The following NELL1 variants were observed in gnomAD, a reference collection of about 807,000 sequenced individuals.
NELL1 encodes the protein neural EGFL like 1.
A neutral mutation model predicts 107.4 loss-of-function variants in NELL1; 76 were observed. The ratio of observed to expected loss-of-function variants is 0.71; its 90% CI spans 0.59 to 0.86. The LOEUF is 0.86. Among genes scored for constraint, NELL1 ranks in the 40% least tolerant of loss-of-function variants. NELL1 has a pLI of 0.00. For synonymous variants in NELL1, 353 were observed against 341.2 expected (o/e 1.03, Z -0.38); for missense variants, 1,024 against 1,005.5 (o/e 1.02, Z -0.25).
intron 15 of NELL1, among the ~76,000 whole-genome samples, chr11:21,407,579 T>C (rs1852265994): frequency 6.6e-6 from 1 of 151,842 alleles, no homozygotes; most frequent in Admixed American, 6.6e-5. Flanking sequence ...AGCCCAACTC[T>C]AGTTACTTAA....
intron 13 of NELL1, among the ~76,000 whole-genome samples, chr11:21,193,979 T>C (rs926668229): frequency 3.9e-5 from 6 of 151,902 alleles, no homozygotes; most frequent in African/African-American, 1.5e-4. Flanking sequence ...ATCATCCTTA[T>C]TCCATCAAAT....
intron 16 of NELL1, among the ~76,000 whole-genome samples, chr11:21,541,984 C>T (rs74777436): frequency 0.013 from 1,913 of 152,150 alleles, 31 homozygotes; most frequent in African/African-American, 0.044. Context: ...CAACCTCATA[C>T]GGGTTGCTGT....
At chr11:20,960,958 A>G (rs1362878517) in intron 12 of NELL1, among the ~76,000 whole-genome samples, 1 of 152,080 alleles carries the variant, frequency 6.6e-6, no homozygotes, top group East Asian at 1.9e-4. Context: ...TTTGACATTA[A>G]CTCATACTAG....
At chr11:21,536,467 A>G (rs1856141256) in intron 16 of NELL1, among the ~76,000 whole-genome samples, 1 of 152,182 alleles carries the variant, frequency 6.6e-6, no homozygotes, top group Non-Finnish European at 1.5e-5. Context: ...CTCACGTTTC[A>G]CCAAGTCCCC....
In NELL1 at chr11:21,399,061, G is replaced by C. The variant is rs1335407153; in HGVS notation, c.1645+28113G>C. ...CTGAAGAAAGAAAAAAAAAATATTA[G>C]ACGAGCTCAGCAGATGTAACCCACT... On this transcript the variant is annotated intron_variant, in intron 15 of 19. Coordinates refer to ENST00000357134, the MANE Select transcript of NELL1 (RefSeq NM_006157.5). Among the ~76,000 whole-genome samples, 3 of 151,410 alleles carry C rather than the reference G, an allele frequency of 2.0e-5. No homozygotes were observed. The East Asian group carries it at 5.9e-4, about 30-fold the overall frequency.
intron 5 of NELL1, among the ~76,000 whole-genome samples, chr11:20,891,345 A>C (rs1482051358): frequency 6.6e-6 from 1 of 152,242 alleles, no homozygotes; most frequent in Non-Finnish European, 1.5e-5. Flanking sequence ...CCTGCCCTGC[A>C]AGAGCTGCTG....
intron 16 of NELL1, among the ~76,000 whole-genome samples, chr11:21,545,095 G>A (rs377576059): frequency 1.3e-3 from 203 of 152,052 alleles, no homozygotes; most frequent in African/African-American, 4.6e-3. Context: ...GGTTTATTGA[G>A]GTATAGCTGG....
At chr11:20,887,541 C>A (rs982829086) in intron 5 of NELL1, among the ~76,000 whole-genome samples, 1 of 152,150 alleles carries the variant, frequency 6.6e-6, no homozygotes, top group South Asian at 2.1e-4. Context: ...AGATCCCATG[C>A]GTGACTGAGT....
chr11:21,208,585 G>A (rs1857437045), intron 13 of NELL1, among the ~76,000 whole-genome samples: 1 of 151,974 alleles, frequency 6.6e-6, no homozygotes, highest in African/African-American at 2.4e-5. Flanking sequence ...TTTCCTCTCT[G>A]CACCTCTATC....
At chr11:20,814,147 C>CT (rs1857568600) in intron 3 of NELL1, among the ~76,000 whole-genome samples, 1 of 150,766 alleles carries the variant, frequency 6.6e-6, no homozygotes, top group Non-Finnish European at 1.5e-5. Flanking sequence ...AGGCGCACAC[C>CT]GCCACGCCCG....
chr11:21,478,181 C>T (rs1488730210), intron 15 of NELL1, among the ~76,000 whole-genome samples: 2 of 152,090 alleles, frequency 1.3e-5, no homozygotes, highest in African/African-American at 2.4e-5. Flanking sequence ...CACTTTTAAA[C>T]CATCAGATCT....
intron 12 of NELL1, among the ~76,000 whole-genome samples, chr11:21,084,439 A>G (rs569526062): frequency 2.6e-5 from 4 of 152,318 alleles, no homozygotes; most frequent in African/African-American, 9.6e-5. Context: ...TTCTAAACAT[A>G]GTATTTTGTC....
intron 13 of NELL1, among the ~76,000 whole-genome samples, chr11:21,173,072 G>T (rs559157310): frequency 1.1e-4 from 16 of 151,842 alleles, no homozygotes; most frequent in African/African-American, 3.6e-4. Flanking sequence ...CTCACTATGG[G>T]ATATCCCTAA....
intron 14 of NELL1, among the ~76,000 whole-genome samples, chr11:21,339,734 G>C (rs951875500): frequency 6.6e-6 from 1 of 152,154 alleles, no homozygotes; most frequent in Non-Finnish European, 1.5e-5. Flanking sequence ...CTACCAATAA[G>C]AATGTACTAA....
chr11:21,519,737 T>C (rs1855670971), intron 15 of NELL1, among the ~76,000 whole-genome samples: 1 of 152,040 alleles, frequency 6.6e-6, no homozygotes, highest in Non-Finnish European at 1.5e-5. Flanking sequence ...TGGCTAAAAT[T>C]GACTGAAACG....
At chr11:20,888,412 T>A (rs1296563744) in intron 5 of NELL1, among the ~76,000 whole-genome samples, 1 of 151,068 alleles carries the variant, frequency 6.6e-6, no homozygotes, top group Non-Finnish European at 1.5e-5. Flanking sequence ...ATAGATAGCT[T>A]CTTAGATATG....
chr11:21,001,843 G>A (rs1852229122), intron 12 of NELL1, among the ~76,000 whole-genome samples: 2 of 151,338 alleles, frequency 1.3e-5, no homozygotes, highest in Admixed American at 1.3e-4. Flanking sequence ...GCTAGGGGAA[G>A]ACTGTTCACT....
At chr11:20,734,253 A>G (rs1177027656) in intron 2 of NELL1, among the ~76,000 whole-genome samples, 1 of 152,164 alleles carries the variant, frequency 6.6e-6, no homozygotes, top group Admixed American at 6.5e-5. Context: ...GACAGATCAT[A>G]TTGGGCCTTA....
rs544309043 is a variant in NELL1, at chr11:21,408,122, T to A, written c.1645+37174T>A. On this transcript the variant is annotated intron_variant, in intron 15 of 19. Coordinates refer to ENST00000357134, the MANE Select transcript of NELL1 (RefSeq NM_006157.5). Reference sequence around the variant, plus strand: ...CAGCATGAGTTGATCATAGCTCTCTTTCTTGAGATCCCAGGTACTTGCCCA... The same window carrying A: ...CAGCATGAGTTGATCATAGCTCTCTATCTTGAGATCCCAGGTACTTGCCCA... Among the ~76,000 whole-genome samples, 161 of 152,094 alleles carry A rather than the reference T, an allele frequency of 1.1e-3. 1 individual carries two copies. Among genetic ancestry groups the A allele is most frequent in the Non-Finnish European group, 1.4e-3 (95 of 67,928 alleles).
Sources: gnomAD v4.1 joint callset for allele counts (sites outside exome capture counted in the v4.1 genomes callset) on GRCh38, gnomAD v4.1.1 for gene constraint, MANE v1.5 for transcripts, NCBI Gene and HGNC (gene_info 2026-07-23, HGNC 2026-07-21) for gene names.